NPAS2: variants seen among roughly 807,000 people sequenced by gnomAD.
NPAS2 encodes the protein neuronal PAS domain protein 2.
A neutral mutation model predicts 107.5 loss-of-function variants in NPAS2; 23 were observed. That is an observed-to-expected ratio of 0.21 (90% CI 0.15 to 0.30). The LOEUF (loss-of-function observed/expected upper bound fraction) is 0.30, where lower values mean the gene tolerates loss of function less well. Ranked by LOEUF, NPAS2 falls within the 10% of genes least tolerant of loss-of-function variation. The pLI is 1.00. For missense variants in NPAS2, 756 were observed against 1,043.3 expected, an observed-to-expected ratio of 0.72 and a Z score of 3.79; for synonymous variants, 403 against 417.5, an observed-to-expected ratio of 0.97 and a Z score of 0.42.
chr2:100,832,308 G>C (rs1031730983), intron 1 of NPAS2, among the ~76,000 whole-genome samples: 1 of 152,146 alleles, frequency 6.6e-6, no homozygotes, highest in Admixed American at 6.5e-5. Context: ...ACCCTGGGCA[G>C]GTCATTCATC....
At chr2:100,839,171 C>T (rs1677244686) in intron 1 of NPAS2, among the ~76,000 whole-genome samples, 1 of 152,138 alleles carries the variant, frequency 6.6e-6, no homozygotes, top group South Asian at 2.1e-4. Flanking sequence ...CTCTGTTGCC[C>T]AGGCTGGAGT....
At chr2:100,923,866 G>A (rs930544821) in intron 2 of NPAS2, among the ~76,000 whole-genome samples, 12 of 152,040 alleles carry the variant, frequency 7.9e-5, no homozygotes, top group South Asian at 2.1e-4. Context: ...CACTGCTTCC[G>A]GACTTTTCAG....
intron 1 of NPAS2, among the ~76,000 whole-genome samples, chr2:100,851,662 A>G (rs1311192352): frequency 1.3e-5 from 2 of 152,260 alleles, no homozygotes; most frequent in African/African-American, 2.4e-5. Flanking sequence ...ACATGCGGAA[A>G]TGCATATAAT....
rs368357697 is a variant in NPAS2, at chr2:100,899,223, C to CTT, written c.-22-5493_-22-5492dup. Among the ~76,000 whole-genome samples, 1,068 of 133,726 alleles carry CTT rather than the reference C, an allele frequency of 8.0e-3. 19 individuals carry two copies. The highest frequency in any genetic ancestry group is 0.028 in the African/African-American group (995 of 35,932). The allele number at this position is 133,726 out of a possible 152,430, so 87.7% of individuals were successfully genotyped here. A position where few individuals can be genotyped will look rare whatever the true frequency, so the allele number is the denominator to read the frequency against. On this transcript the variant is annotated intron_variant, in intron 1 of 20. Coordinates refer to ENST00000335681, the MANE Select transcript of NPAS2 (RefSeq NM_002518.4). ...AAGTTTGTCTGAAAATTATGGACTTCTTTTTTTTTTTTTTTTTTGAGACAG... is the reference window on the plus strand; with the variant it reads ...AAGTTTGTCTGAAAATTATGGACTTCTTTTTTTTTTTTTTTTTTTTGAGACAG...
chr2:100,839,132 T>G (rs1677242475), intron 1 of NPAS2, among the ~76,000 whole-genome samples: 1 of 152,044 alleles, frequency 6.6e-6, no homozygotes, highest in Non-Finnish European at 1.5e-5. Flanking sequence ...TTTGTTGTTA[T>G]TGTTGTTGTT....
intron 1 of NPAS2, among the ~76,000 whole-genome samples, chr2:100,866,448 C>A (rs544141108): frequency 5.3e-5 from 8 of 152,326 alleles, no homozygotes; most frequent in Non-Finnish European, 1.0e-4. Context: ...GCATCTTTTT[C>A]TTTGTCCAGC....
At chr2:100,969,244 G>T (rs922576476) in intron 11 of NPAS2, among the ~76,000 whole-genome samples, 10 of 151,782 alleles carry the variant, frequency 6.6e-5, no homozygotes, top group Middle Eastern at 3.4e-3. Flanking sequence ...TGTTACATAG[G>T]TATATATGTG....
At chr2:100,835,478 T>G (rs1677000129) in intron 1 of NPAS2, among the ~76,000 whole-genome samples, 1 of 152,142 alleles carries the variant, frequency 6.6e-6, no homozygotes, top group South Asian at 2.1e-4. Flanking sequence ...GACTCCACCC[T>G]TCGGAGGAGG....
At chr2:100,870,892 AT>A (rs1444317879) in intron 1 of NPAS2, among the ~76,000 whole-genome samples, 5 of 152,158 alleles carry the variant, frequency 3.3e-5, no homozygotes, top group African/African-American at 1.2e-4. Context: ...GCTTCCTCTC[AT>A]CTCTGAATTC....
intron 1 of NPAS2, among the ~76,000 whole-genome samples, chr2:100,901,339 A>G (rs1029399333): frequency 2.6e-5 from 4 of 152,160 alleles, no homozygotes; most frequent in Non-Finnish European, 5.9e-5. Context: ...TCAGGCTCCC[A>G]TAATTATTGT....
rs779317046 is a variant in NPAS2 at position 100,968,575 on chromosome 2, G to A, written c.1055+147G>A. ...GATGAAGCCCAGGCCATCCCCTGCCGTTAACAGCACAATTCCCAGAGCTCA... is the reference window on the plus strand; with the variant it reads ...GATGAAGCCCAGGCCATCCCCTGCCATTAACAGCACAATTCCCAGAGCTCA... On this transcript the variant is annotated intron_variant, in intron 11 of 20. Coordinates refer to ENST00000335681, the MANE Select transcript of NPAS2 (RefSeq NM_002518.4). This position sits in a 1 kb window ranked among gnomAD's most constrained non-coding sequence, Gnocchi z 5.3. The A allele has an allele frequency of 1.5e-4, 109 of 730,630 alleles. No homozygotes were observed. The highest frequency in any genetic ancestry group is 6.7e-4 in the Admixed American group (24 of 35,572). 45.3% of individuals were successfully genotyped at this position (730,630 alleles called of 1,614,324 possible).
At chr2:100,910,893 G>A (rs934875804) in intron 2 of NPAS2, among the ~76,000 whole-genome samples, 1 of 152,142 alleles carries the variant, frequency 6.6e-6, no homozygotes, top group African/African-American at 2.4e-5. Flanking sequence ...AAACCGCATG[G>A]CCTCAGCATG....
In NPAS2 at chr2:100,906,772, A is replaced by G. The variant is rs999090612; in HGVS notation, c.32+1986A>G. Among the ~76,000 whole-genome samples the G allele has an allele frequency of 2.6e-5, 4 of 152,200 alleles. No homozygotes were observed. The South Asian group carries it at 8.3e-4, about 32-fold the overall frequency. On this transcript the variant is annotated intron_variant, in intron 2 of 20. Coordinates refer to ENST00000335681, the MANE Select transcript of NPAS2 (RefSeq NM_002518.4). ...CGCTGGGTGCCCACAGTACTGAGCT[A>G]AGTCCTTTTATGTACGTCATCTCAT...
chr2:100,865,630 C>T (rs925423730), intron 1 of NPAS2, among the ~76,000 whole-genome samples: 6 of 152,086 alleles, frequency 3.9e-5, no homozygotes, highest in African/African-American at 1.2e-4. Flanking sequence ...GTTGAAAATC[C>T]ACCTTCTGAC....
intron 11 of NPAS2, among the ~76,000 whole-genome samples, chr2:100,969,449 C>G (rs1314740491): frequency 1.3e-5 from 2 of 152,124 alleles, no homozygotes; most frequent in African/African-American, 4.8e-5. Flanking sequence ...TGAGAACATG[C>G]GGTGTTTGGT....
rs532916419 is a variant in NPAS2 at position 100,929,544 on chromosome 2, G to T, written c.182-3366G>T. Among the ~76,000 whole-genome samples, 8 of 152,268 alleles carry T rather than the reference G, an allele frequency of 5.3e-5. No individual in the cohort carries two copies. The South Asian group carries it at 1.7e-3, about 32-fold the overall frequency. On this transcript the variant is annotated intron_variant, in intron 3 of 20. Transcript: ENST00000335681. The stretch of plus-strand genomic sequence containing the variant: ...CAGACCAATATGTCATGATCTCTAG[G>T]GGTGGGACCACAATGGGATACCAGC...
chr2:100,954,885 T>TG (rs1327109466), intron 7 of NPAS2, among the ~76,000 whole-genome samples: 5 of 141,360 alleles, frequency 3.5e-5, no homozygotes, highest in Non-Finnish European at 3.1e-5. Context: ...TTGTTTTTTT[T>TG]TGGTTTTTTT....
chr2:100,941,704 G>A (rs915103331), intron 5 of NPAS2, among the ~76,000 whole-genome samples: 8 of 152,210 alleles, frequency 5.3e-5, no homozygotes, highest in Non-Finnish European at 1.2e-4. Context: ...GGAGCCTCTG[G>A]AATGAAAACC....
intron 2 of NPAS2, among the ~76,000 whole-genome samples, chr2:100,913,269 G>A (rs1172367740): frequency 6.6e-6 from 1 of 152,172 alleles, no homozygotes. Flanking sequence ...CAGCAAGGGA[G>A]CCTGCTAGTG....
Sources: allele counts gnomAD v4.1 joint callset (sites outside exome capture counted in the v4.1 genomes callset), GRCh38; gene constraint gnomAD v4.1.1; non-coding constraint Gnocchi (gnomAD v3.1); transcripts MANE v1.5; gene names NCBI Gene and HGNC (gene_info 2026-07-23, HGNC 2026-07-21).